Variants in CYB5R3 observed in about 807,000 individuals in gnomAD.
CYB5R3 encodes cytochrome b5 reductase 3.
Under a neutral mutation model 36.5 loss-of-function variants are expected in CYB5R3, and 28 were observed. The observed-to-expected ratio is 0.77, with a 90% CI of 0.57 to 1.05. CYB5R3 has a LOEUF of 1.05. Ranked by LOEUF, CYB5R3 falls within the 50% of genes least tolerant of loss-of-function variation. The pLI, the probability that CYB5R3 is intolerant of heterozygous loss-of-function variation, is 0.00. For missense variants in CYB5R3, 474 were observed against 408.9 expected (o/e 1.16, Z -1.37); for synonymous variants, 181 against 159.8 (o/e 1.13, Z -1.00).
chr22:42,627,220 AGAC>A, intron 7 of CYB5R3, 81 bp downstream of exon 7: 1 of 1,117,212 alleles, frequency 9.0e-7, no homozygotes, highest in Non-Finnish European at 1.3e-6. Context: ...AGAGCTGTGC[AGAC>A]CCCTGGAACA....
At chr22:42,648,191 C>T (rs1929613873) in intron 1 of CYB5R3, among the ~76,000 whole-genome samples, 1 of 151,342 alleles carries the variant, frequency 6.6e-6, no homozygotes, top group African/African-American at 2.4e-5. Context: ...GCCAAGAGGC[C>T]TTTTGCCTGG....
intron 8 of CYB5R3, among the ~76,000 whole-genome samples, chr22:42,622,744 C>T (rs1261670876): frequency 1.3e-5 from 2 of 152,346 alleles, no homozygotes; most frequent in Admixed American, 6.5e-5. Flanking sequence ...GGCATGCACC[C>T]CCTGACATGG....
chr22:42,644,119 T>G (rs1255972376), intron 1 of CYB5R3, among the ~76,000 whole-genome samples: 3 of 152,042 alleles, frequency 2.0e-5, no homozygotes, highest in Non-Finnish European at 4.4e-5. Flanking sequence ...CATATAGCCA[T>G]TCAGGGTGGG....
intron 4 of CYB5R3, among the ~76,000 whole-genome samples, chr22:42,629,072 A>C (rs1484471795): frequency 1.3e-5 from 2 of 152,164 alleles, no homozygotes; most frequent in African/African-American, 4.8e-5. Flanking sequence ...CCAAGCCAGG[A>C]GAGGCCTGGT....
chr22:42,638,728 T>TAACAAAAAAAAAAAA (rs1929049102), intron 1 of CYB5R3, among the ~76,000 whole-genome samples: 1 of 47,488 alleles, frequency 2.1e-5, no homozygotes, highest in African/African-American at 1.1e-4. Context: ...CAAGACTCCA[T>TAACAAAAAAAAAAAA]AAAAAAAAAA....
At chr22:42,629,989 G>A (rs994811211) in intron 4 of CYB5R3, among the ~76,000 whole-genome samples, 1 of 152,034 alleles carries the variant, frequency 6.6e-6, no homozygotes. Flanking sequence ...TAGTAGAGAC[G>A]GGGTTTCTCC....
intron 1 of CYB5R3, among the ~76,000 whole-genome samples, chr22:42,637,158 C>G (rs1166476855): frequency 1.3e-5 from 2 of 152,336 alleles, no homozygotes; most frequent in East Asian, 3.9e-4. Flanking sequence ...TCCTTTTTCA[C>G]TTTGGCTACT....
chr22:42,628,430 A>G, intron 4 of CYB5R3, 149 bp from the exon 5 acceptor site: 2 of 1,001,418 alleles, frequency 2.0e-6, no homozygotes, highest in South Asian at 2.7e-5. Context: ...CCCAGCCGTC[A>G]AATCCTACCT....
At chr22:42,627,774 G>T in intron 5 of CYB5R3, 86 bp from the exon 6 acceptor site, 1 of 1,023,670 alleles carries the variant, frequency 9.8e-7, no homozygotes. Context: ...TGGAGAACCT[G>T]CCCCCACTGT....
rs148021816 is a variant in CYB5R3 at position 42,628,994 on chromosome 22, G to A, written c.334-713C>T. Among the ~76,000 whole-genome samples, 694 of 152,220 alleles carry A rather than the reference G, an allele frequency of 4.6e-3. 8 individuals are homozygous for A. Among genetic ancestry groups the A allele is most frequent in the African/African-American group, 0.016 (644 of 41,526 alleles). On this transcript the variant is annotated intron_variant, in intron 4 of 8. Transcript: ENST00000352397. ...CACGGACAGGCAGGCAGAGCACACTGTCCTGGGCCCTGGGTGCCAGGCCAG... is the reference window on the plus strand; with the variant it reads ...CACGGACAGGCAGGCAGAGCACACTATCCTGGGCCCTGGGTGCCAGGCCAG...
At chr22:42,627,729 C>G in intron 5 of CYB5R3, 41 bp from the exon 6 acceptor site, 1 of 1,449,758 alleles carries the variant, frequency 6.9e-7, no homozygotes, top group Non-Finnish European at 9.7e-7. Context: ...ATCAAACATG[C>G]CATGTGTGGT....
chr22:42,625,876 T>G (rs1928241502), intron 7 of CYB5R3, among the ~76,000 whole-genome samples: 1 of 152,168 alleles, frequency 6.6e-6, no homozygotes, highest in South Asian at 2.1e-4. Flanking sequence ...GGGGCCACTT[T>G]CCAGAGGCTG....
intron 4 of CYB5R3, among the ~76,000 whole-genome samples, chr22:42,628,527 A>G (rs1232796236): frequency 2.0e-5 from 3 of 152,166 alleles, no homozygotes; most frequent in Non-Finnish European, 4.4e-5. Flanking sequence ...AGCCTCGTGT[A>G]CAAGGCCGAC....
At chr22:42,628,117 C>G (rs779580695) in intron 5 of CYB5R3, 35 bp downstream of exon 5, 2 of 1,613,088 alleles carry the variant, frequency 1.2e-6, no homozygotes, top group African/African-American at 2.7e-5. Context: ...TTCTCTGAGC[C>G]TGCCGTGTAA....
At chr22:42,635,966 A>ATCTC (rs1427051860) in intron 2 of CYB5R3, among the ~76,000 whole-genome samples, 4 of 152,202 alleles carry the variant, frequency 2.6e-5, no homozygotes, top group Non-Finnish European at 5.9e-5. Flanking sequence ...TGTAATCCCA[A>ATCTC]CACTTTGGGA....
rs759851533 is a variant in CYB5R3 at position 42,640,076 on chromosome 22, GT to G, written c.22-3231del. On this transcript the variant is annotated intron_variant, in intron 1 of 8. Coordinates refer to ENST00000352397, the MANE Select transcript of CYB5R3 (RefSeq NM_000398.7). ...AGCAAAGCTTCCTTAACTGTGAGCT[GT>G]TTGAAGCTACCAGTCTGAGCACTAC... 8.7e-6 allele frequency: 14 copies of G among 1,613,740 alleles called. No homozygotes were observed. The African/African-American group carries it at 1.7e-4, about 20-fold the overall frequency.
chr22:42,644,472 T>C (rs1187625601), intron 1 of CYB5R3: 1 of 937,516 alleles, frequency 1.1e-6, no homozygotes, highest in East Asian at 2.6e-5. Context: ...CCAAATGTCC[T>C]TGCTCTGCAT....
Position 42,640,189 on chromosome 22 carries a change from G to A in CYB5R3, c.22-3343C>T, listed in dbSNP as rs756676331. The A allele has an allele frequency of 1.9e-6, 3 of 1,610,510 alleles. No individual in the cohort carries two copies. In the South Asian group the frequency reaches 3.3e-5, roughly 18 times the overall value. The stretch of plus-strand genomic sequence containing the variant: ...CTCAACCGTGGTGTAGTACCAAAAT[G>A]CGGCCAATCGAGGCTTCAAGTAAGT... On this transcript the variant is annotated intron_variant, in intron 1 of 8. Transcript: ENST00000352397.
intron 8 of CYB5R3, among the ~76,000 whole-genome samples, chr22:42,622,929 T>C (rs1490094184): frequency 3.3e-5 from 5 of 152,174 alleles, no homozygotes; most frequent in Non-Finnish European, 7.4e-5. Context: ...TCCCAGAAAA[T>C]GCAGGTCCCC....
Sources: gnomAD v4.1 joint callset for allele counts (sites outside exome capture counted in the v4.1 genomes callset) on GRCh38, gnomAD v4.1.1 for gene constraint, MANE v1.5 for transcripts, NCBI Gene and HGNC (gene_info 2026-07-23, HGNC 2026-07-21) for gene names.